Variants in UBE2L3 observed in about 807,000 individuals in gnomAD.
The protein encoded by UBE2L3 is ubiquitin conjugating enzyme E2 L3.
In UBE2L3, 1 loss-of-function variant was observed where a neutral mutation model predicts 17.8. The ratio of observed to expected loss-of-function variants is 0.06; its 90% CI spans 0.02 to 0.27. UBE2L3 has a LOEUF of 0.27. Among genes scored for constraint, UBE2L3 ranks in the 10% least tolerant of loss-of-function variants. UBE2L3 has a pLI of 1.00. For synonymous variants in UBE2L3, 44 were observed against 68.5 expected (o/e 0.64, Z 1.76); for missense variants, 40 against 192.6 (o/e 0.21, Z 4.69).
At chr22:21,610,817 G>T (rs750348259) in intron 2 of UBE2L3, 40 bp from the exon 3 acceptor site, 15 of 1,529,126 alleles carry the variant, frequency 9.8e-6, no homozygotes, top group South Asian at 3.9e-5. Flanking sequence ...ATAGGTTTAT[G>T]AACCATGGTG....
intron 3 of UBE2L3, 33 bp from the exon 4 acceptor site, chr22:21,621,481 GT>G (rs1325571839): frequency 1.5e-5 from 23 of 1,574,674 alleles, no homozygotes; most frequent in Non-Finnish European, 2.0e-5. Flanking sequence ...CTGAGACTGT[GT>G]TAACCCCCCA....
intron 1 of UBE2L3, among the ~76,000 whole-genome samples, chr22:21,560,493 C>T (rs1225100855): frequency 1.4e-5 from 2 of 138,610 alleles, no homozygotes. Flanking sequence ...TTCTATCATC[C>T]AGGCTGGAGT....
At chr22:21,562,595 T>A (rs1232577326) in intron 1 of UBE2L3, among the ~76,000 whole-genome samples, 5 of 151,252 alleles carry the variant, frequency 3.3e-5, no homozygotes, top group Non-Finnish European at 7.4e-5. Context: ...ATGGTCTCGA[T>A]CTCCTGACCT....
At position 21,554,321 on chromosome 22, in the gene UBE2L3, A is replaced by G. The variant is rs1484047701; in HGVS notation, c.201+4671A>G. On this transcript the variant is annotated intron_variant, in intron 1 of 3. Coordinates refer to the UBE2L3 transcript ENST00000458578. ...ACTCCAGCCTGGGCGACAGAGCAAGACTCCATCTCAAAAATAAAAATTAAA... is the reference window on the plus strand; with the variant it reads ...ACTCCAGCCTGGGCGACAGAGCAAGGCTCCATCTCAAAAATAAAAATTAAA... Among the ~76,000 whole-genome samples the G allele has an allele frequency of 1.3e-4, 6 of 46,692 alleles. 2 individuals carry two copies. Among genetic ancestry groups the G allele is most frequent in the Non-Finnish European group, 3.2e-4 (6 of 18,632 alleles). 30.6% of individuals were successfully genotyped at this position (46,692 alleles called of 152,430 possible).
chr22:21,578,252 C>T (rs1009878871), intron 1 of UBE2L3, among the ~76,000 whole-genome samples: 6 of 150,986 alleles, frequency 4.0e-5, no homozygotes, highest in African/African-American at 1.2e-4. Flanking sequence ...CCCAGCTACT[C>T]GGGAGGCTGA....
chr22:21,564,235 T>C (rs1006359862), upstream of UBE2L3, among the ~76,000 whole-genome samples: 1 of 152,068 alleles, frequency 6.6e-6, no homozygotes, highest in African/African-American at 2.4e-5. Flanking sequence ...GGTCTCCCTA[T>C]GTTGCCCAGG....
intron 1 of UBE2L3, among the ~76,000 whole-genome samples, chr22:21,582,975 C>T (rs1397999456): frequency 2.0e-5 from 3 of 152,178 alleles, no homozygotes; most frequent in Admixed American, 6.5e-5. Flanking sequence ...CCTTCCTTCT[C>T]CCCTGTACCC....
chr22:21,597,775 A>ATTTTTTTT (rs35054754), intron 2 of UBE2L3, among the ~76,000 whole-genome samples: 542 of 25,616 alleles, frequency 0.021, 147 homozygotes, highest in East Asian at 0.048. Context: ...TTATATGTAG[A>ATTTTTTTT]TTTTTTTTTT....
chr22:21,563,996 A>C (rs1167120960), upstream of UBE2L3, among the ~76,000 whole-genome samples: 1 of 151,410 alleles, frequency 6.6e-6, no homozygotes, highest in Non-Finnish European at 1.5e-5. Flanking sequence ...GTGAGACTGT[A>C]CGCAGCCAAA....
chr22:21,554,361 AAG>A lies in UBE2L3; in HGVS notation c.201+4716_201+4717del, dbSNP rs1221375065. Reference sequence around the variant, plus strand: ...TAAAAATTAAAATTAAAATTAAAAAAAGAGAGTAGGCTGTCACCAAGAAAAAG... The same window carrying A: ...TAAAAATTAAAATTAAAATTAAAAAAAGAGTAGGCTGTCACCAAGAAAAAG... On this transcript the variant is annotated intron_variant, in intron 1 of 3. Transcript: ENST00000458578. Among the ~76,000 whole-genome samples, 2 of 49,470 alleles carry A rather than the reference AAG, an allele frequency of 4.0e-5. 1 individual carries two copies. Among genetic ancestry groups the A allele is most frequent in the Admixed American group, 3.1e-4 (2 of 6,430 alleles). The allele number at this position is 49,470 out of a possible 152,430, so 32.5% of individuals were successfully genotyped here. A position where few individuals can be genotyped will look rare whatever the true frequency, so the allele number is the denominator to read the frequency against.
At chr22:21,582,217 T>C (rs1927682206) in intron 1 of UBE2L3, among the ~76,000 whole-genome samples, 1 of 151,982 alleles carries the variant, frequency 6.6e-6, no homozygotes, top group African/African-American at 2.4e-5. Flanking sequence ...ATTTTTTCCA[T>C]GTGCTTAGCT....
At chr22:21,604,105 ATCTCAAATGACTT>A (rs1308194908) in intron 2 of UBE2L3, among the ~76,000 whole-genome samples, 19 of 152,240 alleles carry the variant, frequency 1.2e-4, no homozygotes, top group African/African-American at 4.3e-4. Context: ...ATTAATTTAC[ATCTCAAATGACTT>A]CCTCAATACA....
At chr22:21,595,340 C>T (rs1928455874) in intron 2 of UBE2L3, among the ~76,000 whole-genome samples, 1 of 152,262 alleles carries the variant, frequency 6.6e-6, no homozygotes, top group Non-Finnish European at 1.5e-5. Context: ...CATCTGACAT[C>T]CCCAGGGTCC....
intron 1 of UBE2L3, among the ~76,000 whole-genome samples, chr22:21,556,753 C>G (rs1432876978): frequency 1.3e-5 from 2 of 152,222 alleles, no homozygotes; most frequent in African/African-American, 2.4e-5. Flanking sequence ...TGAGCCACCA[C>G]ACCTGGCCAA....
chr22:21,602,683 G>C (rs1384218121), intron 2 of UBE2L3, among the ~76,000 whole-genome samples: 2 of 152,202 alleles, frequency 1.3e-5, no homozygotes, highest in Non-Finnish European at 2.9e-5. Flanking sequence ...GCCACAAAAT[G>C]GCTTTGTGCC....
intron 1 of UBE2L3, among the ~76,000 whole-genome samples, chr22:21,570,484 G>T (rs909424044): frequency 6.6e-6 from 1 of 152,146 alleles, no homozygotes; most frequent in African/African-American, 2.4e-5. Context: ...GTTACCTAAG[G>T]TAGAATTGTG....
At chr22:21,615,423 C>T (rs1471611670) in intron 3 of UBE2L3, among the ~76,000 whole-genome samples, 1 of 151,598 alleles carries the variant, frequency 6.6e-6, no homozygotes, top group Non-Finnish European at 1.5e-5. Context: ...AGCTTGGTGG[C>T]AGGCGCCTGT....
upstream of UBE2L3, among the ~76,000 whole-genome samples, chr22:21,563,579 C>CT (rs536786477): frequency 0.19 from 25,102 of 133,516 alleles, 3,002 homozygotes; most frequent in East Asian, 0.42. Context: ...AAAATTAATA[C>CT]TTTTTTTTTT....
chr22:21,559,100 A>T (rs1191674367), intron 1 of UBE2L3, among the ~76,000 whole-genome samples: 49 of 151,788 alleles, frequency 3.2e-4, no homozygotes, highest in African/African-American at 1.1e-3. Flanking sequence ...TAATCTCAGC[A>T]GTTTGGGAGG....
Sources: allele counts gnomAD v4.1 joint callset (sites outside exome capture counted in the v4.1 genomes callset), GRCh38; gene constraint gnomAD v4.1.1; transcripts MANE v1.5; gene names NCBI Gene and HGNC (gene_info 2026-07-23, HGNC 2026-07-21).